Variants in ZNF532 observed in about 807,000 individuals in gnomAD.
ZNF532 encodes zinc finger protein 532.
ZNF532 carries 22 observed loss-of-function variants against 89.3 expected under a neutral mutation model. That is an observed-to-expected ratio of 0.25 (90% CI 0.18 to 0.35). The LOEUF is 0.35. Ranked by LOEUF, ZNF532 falls within the 10% of genes least tolerant of loss-of-function variation. ZNF532 has a pLI of 1.00. For synonymous variants in ZNF532, 606 were observed against 649.6 expected, an observed-to-expected ratio of 0.93 and a Z score of 1.02; for missense variants, 1,132 against 1,643.4, an observed-to-expected ratio of 0.69 and a Z score of 5.38.
chr18:58,983,974 C>T lies in ZNF532; in HGVS notation c.3414C>T (p.Val1138=), dbSNP rs1242856288. The change falls in exon 10 of 10, where the codon GTC becomes GTT. Residue 1138 remains valine, a splice_region_variant and synonymous_variant. Coordinates refer to ENST00000591808, the MANE Select transcript of ZNF532 (RefSeq NM_001375912.1). ...CATTTGCTTTCTTTCCCTGAAAGGT[C>T]CCCAGTCCCAAGCGGAAGTTGGAAG... ...EETEIKEDTK[V]PSPKRKLEEP... 5.6e-6 allele frequency: 9 copies of T among 1,605,914 alleles called. No homozygotes were observed. The highest frequency in any genetic ancestry group is 7.7e-6 in the Non-Finnish European group (9 of 1,176,296).
At chr18:58,912,855 A>G (rs990213515) in intron 2 of ZNF532, among the ~76,000 whole-genome samples, 3 of 151,674 alleles carry the variant, frequency 2.0e-5, no homozygotes. Flanking sequence ...AGTCTCTCCC[A>G]CCCCTGCCTG....
chr18:58,899,553 C>G (rs1284818825), intron 2 of ZNF532, among the ~76,000 whole-genome samples: 2 of 152,158 alleles, frequency 1.3e-5, no homozygotes, highest in African/African-American at 4.8e-5. Flanking sequence ...ACTGCAACCT[C>G]TGCCTCCCGG....
chr18:58,973,501 G>A (rs1225879319), intron 7 of ZNF532, among the ~76,000 whole-genome samples: 1 of 152,204 alleles, frequency 6.6e-6, no homozygotes, highest in Admixed American at 6.5e-5. Context: ...TGAACTAAAT[G>A]AAGTGGCAAT....
At chr18:58,917,570 G>A (rs2060696003) in intron 2 of ZNF532, among the ~76,000 whole-genome samples, 1 of 152,116 alleles carries the variant, frequency 6.6e-6, no homozygotes, top group African/African-American at 2.4e-5. Flanking sequence ...TATCCTTCAT[G>A]TTTAGTAATG....
chr18:58,983,211 G>A lies in ZNF532; in HGVS notation c.3412-761G>A, dbSNP rs80024154. Among the ~76,000 whole-genome samples, 1,261 of 152,328 alleles carry A rather than the reference G, an allele frequency of 8.3e-3. 9 individuals carry two copies. Among genetic ancestry groups the A allele is most frequent in the Non-Finnish European group, 0.014 (963 of 68,026 alleles). On this transcript the variant is annotated intron_variant, in intron 9 of 9. Coordinates refer to ENST00000591808, the MANE Select transcript of ZNF532 (RefSeq NM_001375912.1). ...AAAGCTGGGGCACAGAGTGCGGAGA[G>A]GAGGGGCACGTTGGCTTGGGGAGGG...
chr18:58,918,738 G>T lies in ZNF532; in HGVS notation c.451G>T (p.Asp151Tyr), dbSNP rs2060792068. 1.9e-6 allele frequency: 3 copies of T among 1,614,034 alleles called. No homozygotes were observed. Among genetic ancestry groups the T allele is most frequent in the South Asian group, 1.1e-5 (1 of 91,076 alleles). The change falls in exon 3 of 10, where the codon GAC becomes TAC. Residue 151 changes from aspartate to tyrosine, a missense_variant. Asp to Tyr is a radical substitution (Grantham distance 160). Transcript: ENST00000591808. ...DEKIEVDDPP[D>Y]KEDMRSSFRS... The stretch of plus-strand genomic sequence containing the variant: ...GAAGATTGAGGTGGATGACCCCCCT[G>T]ACAAGGAGGACATGCGATCAAGCTT...
intron 2 of ZNF532, among the ~76,000 whole-genome samples, chr18:58,898,792 G>T (rs1034517930): frequency 6.6e-6 from 1 of 152,234 alleles, no homozygotes; most frequent in Non-Finnish European, 1.5e-5. Flanking sequence ...AGCCTGTCCT[G>T]CCTAGACACC....
intron 2 of ZNF532, among the ~76,000 whole-genome samples, chr18:58,888,741 T>TATATATAAAA (rs1226823500): frequency 3.3e-5 from 1 of 30,442 alleles, no homozygotes; most frequent in African/African-American, 1.6e-4. Context: ...TATATATATA[T>TATATATAAAA]TTTATATATA....
At chr18:58,939,388 C>T in intron 4 of ZNF532, 57 bp from the exon 5 acceptor site, 6 of 1,455,570 alleles carry the variant, frequency 4.1e-6, no homozygotes, top group Non-Finnish European at 5.5e-6. Context: ...CCAGTTTTTG[C>T]AGTTACACGT....
upstream of ZNF532, chr18:58,863,216 G>A (rs2056107737): frequency 6.6e-6 from 1 of 152,106 alleles, no homozygotes; most frequent in Admixed American, 6.5e-5. Flanking sequence ...AGCCCGCAAT[G>A]TCGTTGGAAA....
intron 4 of ZNF532, among the ~76,000 whole-genome samples, chr18:58,936,082 T>G (rs576403350): frequency 2.0e-5 from 3 of 152,344 alleles, no homozygotes; most frequent in African/African-American, 7.2e-5. Context: ...AACCTTTGGC[T>G]TGGAAATCAA....
At chr18:58,958,099 C>T (rs1408385153) in intron 7 of ZNF532, among the ~76,000 whole-genome samples, 1 of 150,090 alleles carries the variant, frequency 6.7e-6, no homozygotes, top group Admixed American at 6.7e-5. Flanking sequence ...AAACCTAATT[C>T]TGGCTCTGCT....
At chr18:58,904,309 G>A (rs1024789354) in intron 2 of ZNF532, among the ~76,000 whole-genome samples, 2 of 151,338 alleles carry the variant, frequency 1.3e-5, no homozygotes, top group Admixed American at 6.6e-5. Context: ...CCGAGATCAC[G>A]CCACTGCATG....
intron 2 of ZNF532, among the ~76,000 whole-genome samples, chr18:58,901,469 T>G (rs1028893154): frequency 6.6e-6 from 1 of 152,214 alleles, no homozygotes; most frequent in Non-Finnish European, 1.5e-5. Flanking sequence ...GATATCTTCT[T>G]GGTTCAGAAG....
At position 58,920,116 on chromosome 18, in the gene ZNF532, C is replaced by A; in HGVS notation, c.1829C>A (p.Thr610Lys). ...NLSPPANAGI[T>K]LPTRGYKCLE... ...AGTCCTCCCGCCAATGCAGGGATCA[C>A]GTTACCGACGCGTGGGTACAAGTGC... The change falls in exon 3 of 10, where the codon ACG (threonine) becomes AAG (lysine). Residue 610 changes from threonine to lysine, a missense_variant. By Grantham distance (78) the Thr-to-Lys change is moderately conservative (BLOSUM62 -1). Around this residue, in one of 9 missense-constraint regions of ZNF532, gnomAD observed 70 missense variants for 152.1 expected, o/e 0.46. Transcript: ENST00000591808. The A allele has an allele frequency of 1.2e-6, 2 of 1,613,978 alleles. No homozygotes were observed. Among genetic ancestry groups the A allele is most frequent in the Non-Finnish European group, 1.7e-6 (2 of 1,179,868 alleles).
At chr18:58,955,998 G>A (rs923094109) in intron 7 of ZNF532, among the ~76,000 whole-genome samples, 1 of 152,210 alleles carries the variant, frequency 6.6e-6, no homozygotes, top group Non-Finnish European at 1.5e-5. Context: ...CGGTAGTCCA[G>A]TCCTTTCATT....
intron 2 of ZNF532, among the ~76,000 whole-genome samples, chr18:58,898,927 T>C (rs1018156359): frequency 6.6e-6 from 1 of 152,252 alleles, no homozygotes; most frequent in Non-Finnish European, 1.5e-5. Context: ...TAAAAGGGAA[T>C]GAAACAAAAG....
intron 7 of ZNF532, among the ~76,000 whole-genome samples, chr18:58,975,968 C>T (rs2067002704): frequency 6.6e-6 from 1 of 152,152 alleles, no homozygotes; most frequent in South Asian, 2.1e-4. Context: ...GGGCTTTACA[C>T]TGAAATGCTG....
At position 58,959,253 on chromosome 18, in the gene ZNF532, G is replaced by GTTTTTTTTTTTTTTT. The variant is rs201150500; in HGVS notation, c.3150+5460_3150+5461insTTTTTTTTTTTTTTT. On this transcript the variant is annotated intron_variant, in intron 7 of 9. Coordinates refer to ENST00000591808, the MANE Select transcript of ZNF532 (RefSeq NM_001375912.1). ...GAACCTTAGATCTTTTCAGTTTTTT[G>GTTTTTTTTTTTTTTT]TTTTTTGTTTTTTTTTGTTTTTTTT... 1.7e-4 allele frequency among the ~76,000 whole-genome samples: 21 copies of GTTTTTTTTTTTTTTT among 121,668 alleles called. 1 individual carries two copies. The highest frequency in any genetic ancestry group is 3.1e-4 in the East Asian group (1 of 3,206). 79.8% of individuals were successfully genotyped at this position (121,668 alleles called of 152,430 possible).
Sources: allele counts gnomAD v4.1 joint callset (sites outside exome capture counted in the v4.1 genomes callset), GRCh38; gene constraint gnomAD v4.1.1; regional missense constraint gnomAD v4.1.1; transcripts MANE v1.5; gene names NCBI Gene and HGNC (gene_info 2026-07-23, HGNC 2026-07-21).